FBXL7: variants seen among roughly 807,000 people sequenced by gnomAD.
FBXL7 encodes F-box and leucine rich repeat protein 7, also known as F-box/LRR-repeat protein 7.
Under a neutral mutation model 38.3 loss-of-function variants are expected in FBXL7, and 12 were observed. The observed-to-expected ratio is 0.31, with a 90% confidence interval of 0.20 to 0.51. The LOEUF (loss-of-function observed/expected upper bound fraction) is 0.51, where lower values mean the gene tolerates loss of function less well. FBXL7 is among the 20% of genes least tolerant of loss of function. FBXL7 has a pLI of 0.98. For synonymous variants in FBXL7, 297 were observed against 300.9 expected (o/e 0.99, Z 0.13); for missense variants, 567 against 676.4 (o/e 0.84, Z 1.79).
intron 1 of FBXL7, among the ~76,000 whole-genome samples, chr5:15,555,986 T>G (rs985385625): frequency 2.8e-5 from 3 of 107,480 alleles, no homozygotes; most frequent in Non-Finnish European, 6.1e-5. Flanking sequence ...TCTATCTATC[T>G]ATCTATCTAT....
At chr5:15,677,328 G>A (rs571998492) in intron 2 of FBXL7, among the ~76,000 whole-genome samples, 15 of 152,210 alleles carry the variant, frequency 9.9e-5, no homozygotes, top group East Asian at 1.9e-4. Context: ...TTAGCTGGGC[G>A]TGATGGAGTG....
intron 2 of FBXL7, among the ~76,000 whole-genome samples, chr5:15,713,151 C>T (rs895471675): frequency 5.3e-5 from 8 of 152,170 alleles, no homozygotes; most frequent in Non-Finnish European, 1.2e-4. Flanking sequence ...TACAGTTCCA[C>T]GTGGCTGGGG....
intron 2 of FBXL7, among the ~76,000 whole-genome samples, chr5:15,875,572 C>A (rs561202415): frequency 3.9e-5 from 6 of 152,184 alleles, no homozygotes; most frequent in South Asian, 2.1e-4. Context: ...AAACAAAAAA[C>A]CCCATCAAAA....
chr5:15,878,473 T>G (rs1740305561), intron 2 of FBXL7, among the ~76,000 whole-genome samples: 1 of 152,194 alleles, frequency 6.6e-6, no homozygotes, highest in Non-Finnish European at 1.5e-5. Flanking sequence ...GCTCTCGATT[T>G]AATCTTCATA....
intron 2 of FBXL7, among the ~76,000 whole-genome samples, chr5:15,814,714 T>C (rs946369294): frequency 3.3e-5 from 5 of 152,154 alleles, no homozygotes; most frequent in African/African-American, 1.2e-4. Context: ...GATACCAAAT[T>C]TAATAATTCC....
chr5:15,913,255 GTTTT>G (rs10711947), intron 2 of FBXL7, among the ~76,000 whole-genome samples: 1 of 126,004 alleles, frequency 7.9e-6, no homozygotes. Context: ...TTTTTTTAAT[GTTTT>G]TTTTTATTAA....
intron 2 of FBXL7, among the ~76,000 whole-genome samples, chr5:15,718,820 A>G (rs1744115911): frequency 6.6e-6 from 1 of 152,242 alleles, no homozygotes; most frequent in African/African-American, 2.4e-5. Flanking sequence ...AATGAATTTC[A>G]ACTAAGAGGT....
chr5:15,592,656 G>A (rs1360381284), intron 1 of FBXL7, among the ~76,000 whole-genome samples: 1 of 152,100 alleles, frequency 6.6e-6, no homozygotes, highest in Non-Finnish European at 1.5e-5. Context: ...TTTGAAGACC[G>A]GGCTTATCAG....
At chr5:15,678,391 T>TA (rs2126606794) in intron 2 of FBXL7, among the ~76,000 whole-genome samples, 1 of 152,250 alleles carries the variant, frequency 6.6e-6, no homozygotes, top group Non-Finnish European at 1.5e-5. Flanking sequence ...ACAAAAATCT[T>TA]AAATTGCTTA....
intron 2 of FBXL7, among the ~76,000 whole-genome samples, chr5:15,857,850 G>A (rs1298521861): frequency 1.3e-5 from 2 of 152,094 alleles, no homozygotes; most frequent in Non-Finnish European, 2.9e-5. Context: ...ATTTGCAAAG[G>A]GTGACTTCAT....
intron 2 of FBXL7, among the ~76,000 whole-genome samples, chr5:15,830,659 C>T (rs1738433051): frequency 6.6e-6 from 1 of 152,138 alleles, no homozygotes; most frequent in Non-Finnish European, 1.5e-5. Flanking sequence ...ACCACTGTTC[C>T]CAAAGTGCAG....
intron 1 of FBXL7, among the ~76,000 whole-genome samples, chr5:15,509,068 C>T (rs1243091363): frequency 3.9e-5 from 6 of 152,220 alleles, no homozygotes; most frequent in East Asian, 3.9e-4. Context: ...CTTTTCACTT[C>T]GAGATGACTT....
intron 2 of FBXL7, among the ~76,000 whole-genome samples, chr5:15,845,757 G>A (rs946036181): frequency 1.3e-5 from 2 of 152,136 alleles, no homozygotes; most frequent in Non-Finnish European, 1.5e-5. Context: ...GGATCATGAG[G>A]TCAGGAGATC....
intron 1 of FBXL7, among the ~76,000 whole-genome samples, chr5:15,519,428 C>T (rs1164211439): frequency 1.3e-5 from 2 of 151,086 alleles, no homozygotes; most frequent in East Asian, 3.9e-4. Flanking sequence ...ATATATTCTG[C>T]CAGAGACTTA....
chr5:15,764,352 T>G (rs573661930), intron 2 of FBXL7, among the ~76,000 whole-genome samples: 1 of 152,228 alleles, frequency 6.6e-6, no homozygotes, highest in African/African-American at 2.4e-5. Flanking sequence ...AATGCAAGTA[T>G]AGAGAGATGT....
chr5:15,914,856 T>C (rs1330783631), intron 2 of FBXL7, among the ~76,000 whole-genome samples: 1 of 152,182 alleles, frequency 6.6e-6, no homozygotes, highest in African/African-American at 2.4e-5. Context: ...GAAGGAGGCA[T>C]CTCCTGGCCT....
At chr5:15,872,086 C>G (rs1739991087) in intron 2 of FBXL7, among the ~76,000 whole-genome samples, 1 of 152,202 alleles carries the variant, frequency 6.6e-6, no homozygotes, top group Non-Finnish European at 1.5e-5. Flanking sequence ...AAGAGCGGAT[C>G]TCTCTGCAGA....
At chr5:15,600,469 G>C (rs1739757757) in intron 1 of FBXL7, among the ~76,000 whole-genome samples, 1 of 152,128 alleles carries the variant, frequency 6.6e-6, no homozygotes, top group African/African-American at 2.4e-5. Flanking sequence ...GTGGGGGTCT[G>C]TTCATTTGGT....
intron 2 of FBXL7, among the ~76,000 whole-genome samples, chr5:15,791,075 G>T (rs372931875): frequency 5.4e-5 from 8 of 148,836 alleles, no homozygotes; most frequent in Admixed American, 6.7e-5. Context: ...TGTAAAAGGG[G>T]GGGGGGGGTT....
Sources: gnomAD v4.1 joint callset for allele counts (sites outside exome capture counted in the v4.1 genomes callset) on GRCh38, gnomAD v4.1.1 for gene constraint, MANE v1.5 for transcripts, NCBI Gene and HGNC (gene_info 2026-07-23, HGNC 2026-07-21) for gene names.